Variants in DISC1 observed in about 807,000 individuals in gnomAD.
DISC1 encodes DISC1 scaffold protein.
DISC1 carries 57 observed loss-of-function variants against 84.5 expected under a neutral mutation model. That is an observed-to-expected ratio of 0.67 (90% CI 0.55 to 0.84). DISC1 has a LOEUF of 0.84. Among genes scored for constraint, DISC1 ranks in the 40% least tolerant of loss-of-function variants. The pLI is 0.00. For missense variants in DISC1, 1,000 were observed against 1,057.8 expected, an observed-to-expected ratio of 0.95 and a Z score of 0.76; for synonymous variants, 411 against 415.2, an observed-to-expected ratio of 0.99 and a Z score of 0.12.
intron 1 of DISC1, among the ~76,000 whole-genome samples, chr1:231,632,360 A>T (rs1355799490): frequency 2.0e-5 from 3 of 152,156 alleles, no homozygotes; most frequent in African/African-American, 7.2e-5. Context: ...GCTCATCATA[A>T]AAAAATGTGG....
At chr1:231,635,052 T>C (rs544970122) in intron 1 of DISC1, among the ~76,000 whole-genome samples, 1 of 152,254 alleles carries the variant, frequency 6.6e-6, no homozygotes, top group Admixed American at 6.5e-5. Flanking sequence ...CTAGGATGCC[T>C]CTTCAGAAGG....
intron 1 of DISC1, among the ~76,000 whole-genome samples, chr1:231,676,980 T>C (rs1220715898): frequency 6.6e-6 from 1 of 152,198 alleles, no homozygotes; most frequent in Non-Finnish European, 1.5e-5. Context: ...GTGTGTGAAA[T>C]GTCACTTTTC....
chr1:231,799,659 G>C (rs750128548), intron 7 of DISC1, among the ~76,000 whole-genome samples: 3 of 151,722 alleles, frequency 2.0e-5, no homozygotes, highest in Admixed American at 1.3e-4. Flanking sequence ...AGGAGGATTC[G>C]GCAGAGGCCT....
At chr1:231,922,912 C>T (rs186120891) in intron 9 of DISC1, among the ~76,000 whole-genome samples, 163 of 152,206 alleles carry the variant, frequency 1.1e-3, no homozygotes, top group African/African-American at 3.9e-3. Context: ...CACAAACTCC[C>T]AACTTGAGAA....
intron 1 of DISC1, among the ~76,000 whole-genome samples, chr1:231,639,416 G>T (rs1017263151): frequency 6.6e-6 from 1 of 152,146 alleles, no homozygotes; most frequent in African/African-American, 2.4e-5. Flanking sequence ...CACCTCCTGC[G>T]TTCATCATTT....
intron 10 of DISC1, among the ~76,000 whole-genome samples, chr1:231,999,375 C>T (rs533533028): frequency 6.6e-6 from 1 of 152,286 alleles, no homozygotes; most frequent in South Asian, 2.1e-4. Flanking sequence ...TGACCTAGAC[C>T]TGGATTTCCT....
intron 1 of DISC1, among the ~76,000 whole-genome samples, chr1:231,634,178 C>T (rs1324729636): frequency 2.0e-5 from 3 of 152,178 alleles, no homozygotes; most frequent in African/African-American, 7.2e-5. Flanking sequence ...GCCACCGCGC[C>T]TGGCCTGTAC....
chr1:231,892,942 A>G (rs1422872449), intron 9 of DISC1, among the ~76,000 whole-genome samples: 1 of 152,114 alleles, frequency 6.6e-6, no homozygotes, highest in African/African-American at 2.4e-5. Context: ...CAGGTGGATC[A>G]CCTGTGGTCA....
intron 11 of DISC1, among the ~76,000 whole-genome samples, chr1:232,016,143 A>G (rs965889757): frequency 3.3e-5 from 5 of 152,218 alleles, no homozygotes; most frequent in Non-Finnish European, 7.3e-5. Flanking sequence ...TTAAACGCTG[A>G]CATTTAAAAA....
At chr1:231,648,273 G>A (rs1293263739) in intron 1 of DISC1, among the ~76,000 whole-genome samples, 1 of 152,178 alleles carries the variant, frequency 6.6e-6, no homozygotes, top group Non-Finnish European at 1.5e-5. Context: ...ATGAAGTGCT[G>A]TTGAATTTTG....
At position 232,026,439 on chromosome 1, in the gene DISC1, C is replaced by G. The variant is rs770545094; in HGVS notation, c.2312C>G (p.Ser771Cys). Residue 771 changes from serine (S) to cysteine (C), a missense_variant, in exon 12 of 13, where the codon TCT becomes TGT. Physicochemically the swap from Ser to Cys is moderately radical, Grantham distance 112. This residue lies in a region of DISC1 where 397 missense variants were observed against 377.5 expected (regional missense o/e 1.05). Coordinates refer to ENST00000439617, the MANE Select transcript of DISC1 (RefSeq NM_018662.3). ...TTGTTTTCCCCCTCTCGCCAGGAATCTTACATCCTTTCTGCAGAACTTGGA... is the reference window on the plus strand; with the variant it reads ...TTGTTTTCCCCCTCTCGCCAGGAATGTTACATCCTTTCTGCAGAACTTGGA... ...HCAGGEQKEE[S>C]YILSAELGEK... 1 of 1,599,238 alleles carries G rather than the reference C, an allele frequency of 6.3e-7. No homozygotes were observed. The highest frequency in any genetic ancestry group is 1.1e-5 in the South Asian group (1 of 88,044).
intron 6 of DISC1, among the ~76,000 whole-genome samples, chr1:231,779,813 TCTCCCAAAGTGCTGGGATTA>T (rs1432608221): frequency 1.3e-5 from 2 of 151,920 alleles, no homozygotes; most frequent in Non-Finnish European, 2.9e-5. Context: ...CCTGCCTCGG[TCTCCCAAAGTGCTGGGATTA>T]CAAGCGTGAG....
intron 1 of DISC1, among the ~76,000 whole-genome samples, chr1:231,688,404 T>A (rs765226567): frequency 2.0e-5 from 3 of 152,260 alleles, no homozygotes; most frequent in Non-Finnish European, 4.4e-5. Context: ...AAAATGCGTC[T>A]GCATCGGGAC....
chr1:231,960,974 A>C (rs997936454), intron 10 of DISC1, among the ~76,000 whole-genome samples: 1 of 152,232 alleles, frequency 6.6e-6, no homozygotes, highest in African/African-American at 2.4e-5. Context: ...GTTTATTATA[A>C]AGGAGGTTAC....
intron 9 of DISC1, among the ~76,000 whole-genome samples, chr1:231,865,815 C>T (rs1375752409): frequency 6.6e-6 from 1 of 152,158 alleles, no homozygotes; most frequent in African/African-American, 2.4e-5. Flanking sequence ...TCATACAAGG[C>T]CCTCTTGGAA....
intron 9 of DISC1, among the ~76,000 whole-genome samples, chr1:231,837,033 A>G (rs1233465487): frequency 3.3e-5 from 5 of 152,260 alleles, no homozygotes; most frequent in Non-Finnish European, 7.3e-5. Flanking sequence ...AATAGCATCT[A>G]TGAAGAAGAC....
At chr1:232,005,978 A>G (rs1450515944) in intron 10 of DISC1, among the ~76,000 whole-genome samples, 1 of 152,198 alleles carries the variant, frequency 6.6e-6, no homozygotes, top group Non-Finnish European at 1.5e-5. Context: ...CATTGAATTT[A>G]CATTCCTCAT....
chr1:231,964,061 T>G (rs986872817), intron 10 of DISC1, among the ~76,000 whole-genome samples: 3 of 152,182 alleles, frequency 2.0e-5, no homozygotes, highest in African/African-American at 7.2e-5. Context: ...CATTTCTGCC[T>G]TTTAGTTTTT....
intron 1 of DISC1, among the ~76,000 whole-genome samples, chr1:231,661,363 C>A (rs2061550439): frequency 6.6e-6 from 1 of 152,148 alleles, no homozygotes; most frequent in African/African-American, 2.4e-5. Flanking sequence ...TTCTCCCTGT[C>A]CCTTTCAGGT....
Sources: allele counts gnomAD v4.1 joint callset (sites outside exome capture counted in the v4.1 genomes callset), GRCh38; gene constraint gnomAD v4.1.1; regional missense constraint gnomAD v4.1.1; transcripts MANE v1.5; gene names NCBI Gene and HGNC (gene_info 2026-07-23, HGNC 2026-07-21).